Variants in LRP1B observed in about 807,000 individuals in gnomAD.
LRP1B encodes the protein low-density lipoprotein receptor-related protein 1B.
Under a neutral mutation model 556.6 loss-of-function variants are expected in LRP1B, and 217 were observed. That is an observed-to-expected ratio of 0.39 (90% confidence interval 0.35 to 0.44). The LOEUF (loss-of-function observed/expected upper bound fraction) is 0.44, where lower values mean the gene tolerates loss of function less well. Ranked by LOEUF, LRP1B falls within the 20% of genes least tolerant of loss-of-function variation. LRP1B has a pLI of 1.00. For synonymous variants in LRP1B, 2,047 were observed against 1,865.8 expected (o/e 1.10, Z -2.50); for missense variants, 5,053 against 5,620.8 (o/e 0.90, Z 3.23).
intron 3 of LRP1B, among the ~76,000 whole-genome samples, chr2:141,477,153 CA>C (rs1483331676): frequency 3.5e-5 from 4 of 113,900 alleles, no homozygotes; most frequent in Admixed American, 2.7e-4. Context: ...AAAAAAACCC[CA>C]AAAAACAAAC....
chr2:141,234,746 A>G (rs1683590430), intron 5 of LRP1B, among the ~76,000 whole-genome samples: 1 of 152,184 alleles, frequency 6.6e-6, no homozygotes, highest in Non-Finnish European at 1.5e-5. Context: ...ATGTAATATT[A>G]ACAGAAAATT....
chr2:141,690,633 T>G (rs1263493356), intron 2 of LRP1B, among the ~76,000 whole-genome samples: 2 of 150,886 alleles, frequency 1.3e-5, no homozygotes, highest in Non-Finnish European at 3.0e-5. Context: ...CTAGGGATTC[T>G]GCTCTTATCT....
chr2:141,949,410 G>T (rs1701046801), intron 1 of LRP1B, among the ~76,000 whole-genome samples: 1 of 152,024 alleles, frequency 6.6e-6, no homozygotes, highest in Admixed American at 6.6e-5. Context: ...TATATATATG[G>T]AGACACGGTC....
At chr2:140,658,160 A>G (rs748374547) in intron 41 of LRP1B, among the ~76,000 whole-genome samples, 3 of 152,140 alleles carry the variant, frequency 2.0e-5, no homozygotes, top group Non-Finnish European at 4.4e-5. Context: ...TCAGTTGGTT[A>G]ACATTGAATA....
At chr2:140,509,130 C>T (rs1574019501) in intron 52 of LRP1B, among the ~76,000 whole-genome samples, 1 of 150,132 alleles carries the variant, frequency 6.7e-6, no homozygotes, top group Non-Finnish European at 1.5e-5. Context: ...ATTATGGCTT[C>T]AAATACAATG....
At chr2:140,296,618 A>C in intron 84 of LRP1B, among the ~76,000 whole-genome samples, 1 of 36,928 alleles carries the variant, frequency 2.7e-5, no homozygotes, top group East Asian at 5.7e-4. Context: ...CATGTGTGAA[A>C]CATCTGAAAA....
rs1173273939 is a variant in LRP1B at position 141,686,812 on chromosome 2, T to C, written c.205+123467A>G. On this transcript the variant is annotated intron_variant, in intron 2 of 90. Transcript: ENST00000389484. The stretch of plus-strand genomic sequence containing the variant: ...AGATTAAAGGGTTAATGGGTTATCA[T>C]GGGAGGGGAACTGGTGGCTTTATAG... 3.3e-5 allele frequency among the ~76,000 whole-genome samples: 5 copies of C among 151,942 alleles called. No individual in the cohort carries two copies. In the East Asian group the frequency reaches 7.8e-4, roughly 24 times the overall value.
At chr2:141,129,941 C>A (rs1472590041) in intron 7 of LRP1B, among the ~76,000 whole-genome samples, 2 of 149,714 alleles carry the variant, frequency 1.3e-5, no homozygotes, top group African/African-American at 4.9e-5. Context: ...GAAAAGAAGA[C>A]AAAGTTATCA....
Position 141,848,218 on chromosome 2 carries a change from C to T in LRP1B, c.83-37817G>A, listed in dbSNP as rs531297187. 1.5e-4 allele frequency among the ~76,000 whole-genome samples: 22 copies of T among 151,566 alleles called. No homozygotes were observed. In the South Asian group the frequency reaches 3.1e-3, roughly 21 times the overall value. The stretch of plus-strand genomic sequence containing the variant: ...ATAAACCTGAAAACCTATTCTGAAA[C>T]GCAGTATTTTTTATGTATATACTAT... On this transcript the variant is annotated intron_variant, in intron 1 of 90. Coordinates refer to ENST00000389484, the MANE Select transcript of LRP1B (RefSeq NM_018557.3).
At chr2:140,589,244 T>C (rs1462022062) in intron 43 of LRP1B, among the ~76,000 whole-genome samples, 1 of 151,938 alleles carries the variant, frequency 6.6e-6, no homozygotes, top group African/African-American at 2.4e-5. Context: ...GTGAAAAGAA[T>C]GGAAAAACAA....
At chr2:141,026,952 T>A (rs1698233931) in intron 11 of LRP1B, among the ~76,000 whole-genome samples, 1 of 152,102 alleles carries the variant, frequency 6.6e-6, no homozygotes, top group African/African-American at 2.4e-5. Context: ...TAGTTAGTAG[T>A]CACTATAGCA....
chr2:140,287,434 C>T (rs894241768), intron 84 of LRP1B, among the ~76,000 whole-genome samples: 2 of 151,578 alleles, frequency 1.3e-5, no homozygotes, highest in African/African-American at 2.4e-5. Flanking sequence ...TTCATTATGT[C>T]GTCCTATCCA....
At chr2:141,459,443 C>A (rs917348608) in intron 3 of LRP1B, among the ~76,000 whole-genome samples, 2 of 152,090 alleles carry the variant, frequency 1.3e-5, no homozygotes, top group Non-Finnish European at 2.9e-5. Context: ...TGGGTGCAGG[C>A]ATATGTTCCT....
chr2:140,679,901 G>GTTTA (rs903983376), intron 41 of LRP1B, among the ~76,000 whole-genome samples: 4 of 151,170 alleles, frequency 2.6e-5, no homozygotes, highest in Admixed American at 6.6e-5. Context: ...TATGAGGTTT[G>GTTTA]TTTATTTATT....
intron 3 of LRP1B, among the ~76,000 whole-genome samples, chr2:141,382,075 C>T (rs1308674439): frequency 6.6e-6 from 1 of 152,146 alleles, no homozygotes; most frequent in Non-Finnish European, 1.5e-5. Flanking sequence ...TGGCTACCAC[C>T]TAATTTTGTC....
At position 140,989,556 on chromosome 2, in the gene LRP1B, C is replaced by T. The variant is rs1212087281; in HGVS notation, c.2746G>A (p.Asp916Asn). Reference sequence around the variant, plus strand: ...CCTGTGCAAGTTTGATTGGATTCATCTTCATTGCTCCCACAGTCATTAGCT... The same window carrying T: ...CCTGTGCAAGTTTGATTGGATTCATTTTCATTGCTCCCACAGTCATTAGCT... Reference protein sequence around the residue: ...DGANDCGSNEDESNQTCTART... With the variant: ...DGANDCGSNENESNQTCTART... Residue 916 changes from aspartate to asparagine, a missense_variant, in exon 17 of 91, where the codon GAT becomes AAT. Physicochemically the swap from Asp to Asn is conservative, Grantham distance 23. Coordinates refer to ENST00000389484, the MANE Select transcript of LRP1B (RefSeq NM_018557.3). The T allele has an allele frequency of 6.2e-7, 1 of 1,613,134 alleles. No individual in the cohort carries two copies. Among genetic ancestry groups the T allele is most frequent in the Non-Finnish European group, 8.5e-7 (1 of 1,179,432 alleles).
intron 1 of LRP1B, among the ~76,000 whole-genome samples, chr2:141,819,463 AT>A (rs1305856436): frequency 6.6e-6 from 1 of 152,198 alleles, no homozygotes; most frequent in Non-Finnish European, 1.5e-5. Flanking sequence ...ACAGGACACT[AT>A]GTTACTTGAG....
chr2:140,492,533 C>T, intron 57 of LRP1B, 75 bp downstream of exon 57: 2 of 880,022 alleles, frequency 2.3e-6, no homozygotes, highest in Non-Finnish European at 3.6e-6. Flanking sequence ...CTCTAATTGC[C>T]AGGTAGTTCT....
chr2:141,899,782 C>T (rs1326549922), intron 1 of LRP1B, among the ~76,000 whole-genome samples: 2 of 152,080 alleles, frequency 1.3e-5, no homozygotes, highest in African/African-American at 4.8e-5. Flanking sequence ...AAATGTGACA[C>T]TGCACCTCAG....
Sources: gnomAD v4.1 joint callset for allele counts (sites outside exome capture counted in the v4.1 genomes callset) on GRCh38, gnomAD v4.1.1 for gene constraint, MANE v1.5 for transcripts, NCBI Gene and HGNC (gene_info 2026-07-23, HGNC 2026-07-21) for gene names.